COL21A1: variants seen among roughly 807,000 people sequenced by gnomAD.
The protein encoded by COL21A1 is collagen type XXI alpha 1 chain.
A neutral mutation model predicts 137.9 loss-of-function variants in COL21A1; 149 were observed. The observed-to-expected ratio is 1.08, with a 90% confidence interval of 0.95 to 1.24. The LOEUF is 1.24. COL21A1 is among the 50% of genes most tolerant of loss of function. The probability of loss-of-function intolerance (pLI) is 0.00; values close to 1 mark genes in which losing one functional copy is unlikely to be tolerated. For synonymous variants in COL21A1, 456 were observed against 391.5 expected (o/e 1.16, Z -1.95); for missense variants, 1,167 against 1,158.4 (o/e 1.01, Z -0.11).
chr6:56,248,667 T>C (rs2044776503), upstream of COL21A1, among the ~76,000 whole-genome samples: 1 of 152,220 alleles, frequency 6.6e-6, no homozygotes. Flanking sequence ...TGTGAATTAA[T>C]TTCTCCCTGT....
intron 9 of COL21A1, among the ~76,000 whole-genome samples, chr6:56,158,266 C>CTTTTTTTTTT (rs67453245): frequency 4.0e-4 from 25 of 62,402 alleles, no homozygotes; most frequent in Non-Finnish European, 5.0e-4. Flanking sequence ...TTTTTTTTTT[C>CTTTTTTTTTT]TTTTTTTTTT....
At chr6:56,359,520 G>C (rs1765918685) in intron 1 of COL21A1, among the ~76,000 whole-genome samples, 1 of 152,128 alleles carries the variant, frequency 6.6e-6, no homozygotes, top group Non-Finnish European at 1.5e-5. Context: ...TTCTGTTTAT[G>C]TCCTGTAATT....
intron 1 of COL21A1, among the ~76,000 whole-genome samples, chr6:56,241,835 C>G (rs1189979202): frequency 1.3e-5 from 2 of 152,134 alleles, no homozygotes; most frequent in Non-Finnish European, 2.9e-5. Flanking sequence ...AAATTAGAAG[C>G]ATTTTGCCTT....
At chr6:56,309,259 T>TC (rs1242631800) in intron 1 of COL21A1, among the ~76,000 whole-genome samples, 1 of 152,092 alleles carries the variant, frequency 6.6e-6, no homozygotes, top group African/African-American at 2.4e-5. Flanking sequence ...TAGGATGGTC[T>TC]TATCTCCTGA....
chr6:56,202,310 C>T (rs958027529), intron 1 of COL21A1, among the ~76,000 whole-genome samples: 2 of 152,004 alleles, frequency 1.3e-5, no homozygotes, highest in Non-Finnish European at 2.9e-5. Flanking sequence ...CAGCATTTCC[C>T]ATTGCTACAG....
intron 1 of COL21A1, among the ~76,000 whole-genome samples, chr6:56,339,946 G>C (rs1411121343): frequency 6.6e-6 from 1 of 152,132 alleles, no homozygotes; most frequent in Non-Finnish European, 1.5e-5. Flanking sequence ...ATATGATGCA[G>C]TCAATATCAC....
chr6:56,227,020 T>C (rs1222475231), intron 1 of COL21A1, among the ~76,000 whole-genome samples: 1 of 151,872 alleles, frequency 6.6e-6, no homozygotes, highest in East Asian at 1.9e-4. Context: ...CCATGACAGG[T>C]CCTCAAACGA....
intron 10 of COL21A1, among the ~76,000 whole-genome samples, chr6:56,143,935 G>T (rs1582472166): frequency 6.6e-6 from 1 of 152,230 alleles, no homozygotes; most frequent in Middle Eastern, 3.4e-3. Flanking sequence ...TGTTATGTTT[G>T]TGCACCTTTC....
intron 17 of COL21A1, among the ~76,000 whole-genome samples, chr6:56,080,107 G>A (rs1286961464): frequency 5.3e-5 from 8 of 151,762 alleles, no homozygotes; most frequent in African/African-American, 1.9e-4. Context: ...TAAGTTAGCA[G>A]TAATATTATC....
intron 10 of COL21A1, among the ~76,000 whole-genome samples, chr6:56,145,662 TCAGAACACGTTTCATG>T (rs1024525202): frequency 3.1e-5 from 2 of 63,946 alleles, no homozygotes; most frequent in African/African-American, 1.8e-4. Context: ...TTCTTATTTT[TCAGAACACGTTTCATG>T]TCTCATTTTA....
At chr6:56,195,855 G>C (rs1001915099) in intron 1 of COL21A1, among the ~76,000 whole-genome samples, 1 of 151,880 alleles carries the variant, frequency 6.6e-6, no homozygotes, top group Admixed American at 6.6e-5. Flanking sequence ...TTAAAGAAAA[G>C]AAAATACTTC....
intron 1 of COL21A1, among the ~76,000 whole-genome samples, chr6:56,321,464 C>G (rs932597961): frequency 1.3e-5 from 2 of 152,176 alleles, no homozygotes; most frequent in African/African-American, 4.8e-5. Flanking sequence ...TGTTATACAT[C>G]ACTTTAGTGG....
At chr6:56,233,961 AG>A (rs1418855013) in intron 1 of COL21A1, among the ~76,000 whole-genome samples, 1 of 151,856 alleles carries the variant, frequency 6.6e-6, no homozygotes, top group African/African-American at 2.4e-5. Flanking sequence ...GTTAATACGT[AG>A]AAATGTAATT....
At chr6:56,269,654 CAAAAAAAAAAAAAAAAA>C (rs70986792) in intron 1 of COL21A1, among the ~76,000 whole-genome samples, 1 of 64,050 alleles carries the variant, frequency 1.6e-5, no homozygotes, top group Non-Finnish European at 2.7e-5. Context: ...GACTCCGTCT[CAAAAAAAAAAAAAAAAA>C]AAAAAAAAAG....
intron 1 of COL21A1, chr6:56,226,030 A>G (rs1159109300): frequency 6.6e-6 from 1 of 152,000 alleles, no homozygotes; most frequent in Non-Finnish European, 1.5e-5. Context: ...TCCTTTTCTC[A>G]CCTTATTTCA....
chr6:56,108,647 T>C (rs1231359595), intron 16 of COL21A1, among the ~76,000 whole-genome samples: 1 of 151,800 alleles, frequency 6.6e-6, no homozygotes, highest in African/African-American at 2.4e-5. Flanking sequence ...GCACGAATAA[T>C]AGGACACTAA....
chr6:56,262,031 A>G (rs909633980), intron 1 of COL21A1, among the ~76,000 whole-genome samples: 2 of 152,248 alleles, frequency 1.3e-5, no homozygotes, highest in African/African-American at 4.8e-5. Context: ...CTGTCTCTGC[A>G]AAACTCATAT....
rs1269726662 is a variant in COL21A1 at position 56,092,124 on chromosome 6, G to A, written c.1812+9348C>T. Among the ~76,000 whole-genome samples the A allele has an allele frequency of 2.6e-5, 4 of 151,858 alleles. No individual in the cohort carries two copies. The East Asian group carries it at 7.7e-4, about 29-fold the overall frequency. On this transcript the variant is annotated intron_variant, in intron 17 of 29. Transcript: ENST00000244728. The stretch of plus-strand genomic sequence containing the variant: ...TTAAAAGAAAAAAAAACACTAAAAA[G>A]CACTCAAAATCTAGGCCTCAATTGT...
At chr6:56,389,783 T>G (rs1269900782) in intron 1 of COL21A1, among the ~76,000 whole-genome samples, 1 of 152,188 alleles carries the variant, frequency 6.6e-6, no homozygotes, top group African/African-American at 2.4e-5. Context: ...GGATAACATA[T>G]TCAACATCTG....
Sources: allele counts gnomAD v4.1 joint callset (sites outside exome capture counted in the v4.1 genomes callset), GRCh38; gene constraint gnomAD v4.1.1; transcripts MANE v1.5; gene names NCBI Gene and HGNC (gene_info 2026-07-23, HGNC 2026-07-21).